The following LDLRAD3 variants were observed in gnomAD, a reference collection of about 807,000 sequenced individuals.
LDLRAD3 encodes low-density lipoprotein receptor class A domain-containing protein 3.
LDLRAD3 carries 20 observed loss-of-function variants against 29.4 expected under a neutral mutation model. That is an observed-to-expected ratio of 0.68 (90% CI 0.48 to 0.99). The LOEUF is 0.99. Ranked by LOEUF, LDLRAD3 falls within the 50% of genes least tolerant of loss-of-function variation. The pLI is 0.00. For synonymous variants in LDLRAD3, 157 were observed against 192.7 expected (o/e 0.81, Z 1.53); for missense variants, 420 against 454.3 (o/e 0.92, Z 0.69).
chr11:36,015,256 A>G (rs1852006201), intron 1 of LDLRAD3, among the ~76,000 whole-genome samples: 1 of 152,096 alleles, frequency 6.6e-6, no homozygotes, highest in Non-Finnish European at 1.5e-5. Context: ...TGTTTTGAGT[A>G]TTCAGAGAAA....
At position 36,105,205 on chromosome 11, in the gene LDLRAD3, T is replaced by TTGTGTGTGTG. The variant is rs10565208; in HGVS notation, c.454+6769_454+6778dup. Among the ~76,000 whole-genome samples, 246 of 138,540 alleles carry TTGTGTGTGTG rather than the reference T, an allele frequency of 1.8e-3. 1 individual carries two copies. The highest frequency in any genetic ancestry group is 6.9e-3 in the African/African-American group (240 of 34,792). 90.9% of individuals were successfully genotyped at this position (138,540 alleles called of 152,430 possible). The stretch of plus-strand genomic sequence containing the variant: ...CTTTGTCCTGTTCCTTCTGCAGAAT[T>TTGTGTGTGTG]TGTGTGTGTGTGTGTGTGTGTGTGT... On this transcript the variant is annotated intron_variant, in intron 4 of 5. Transcript: ENST00000315571.
intron 4 of LDLRAD3, among the ~76,000 whole-genome samples, chr11:36,191,599 T>C (rs12786447): frequency 0.14 from 12,824 of 92,720 alleles, 1,073 homozygotes; most frequent in Admixed American, 0.24. Flanking sequence ...TATATATATA[T>C]ACACACACAC....
intron 3 of LDLRAD3, among the ~76,000 whole-genome samples, chr11:36,086,828 T>C (rs1301984520): frequency 1.3e-5 from 2 of 152,220 alleles, no homozygotes; most frequent in Non-Finnish European, 2.9e-5. Flanking sequence ...TTTTAAGTGA[T>C]ATTCAGTGGG....
At chr11:36,192,881 G>A (rs1385239950) in intron 4 of LDLRAD3, among the ~76,000 whole-genome samples, 1 of 152,152 alleles carries the variant, frequency 6.6e-6, no homozygotes. Flanking sequence ...TCAGAGCATG[G>A]ACTTTGGAGC....
chr11:36,020,671 A>T (rs1161293378), intron 1 of LDLRAD3, among the ~76,000 whole-genome samples: 1 of 152,110 alleles, frequency 6.6e-6, no homozygotes, highest in Non-Finnish European at 1.5e-5. Context: ...GGTTTGCATA[A>T]GTTATGTTGA....
intron 1 of LDLRAD3, 83 bp from the exon 2 acceptor site, chr11:36,036,020 A>G (rs1415890756): frequency 5.9e-5 from 84 of 1,434,574 alleles, no homozygotes; most frequent in Non-Finnish European, 7.7e-5. Context: ...TCTCACCTAT[A>G]CCAAACCACA....
intron 2 of LDLRAD3, among the ~76,000 whole-genome samples, chr11:36,038,599 G>T (rs1440231230): frequency 6.6e-6 from 1 of 152,160 alleles, no homozygotes; most frequent in Non-Finnish European, 1.5e-5. Flanking sequence ...CATGATTTTA[G>T]AATTCATGCT....
intron 2 of LDLRAD3, among the ~76,000 whole-genome samples, chr11:36,068,755 A>G (rs1324406248): frequency 6.6e-6 from 1 of 152,090 alleles, no homozygotes; most frequent in Non-Finnish European, 1.5e-5. Flanking sequence ...TGATCTCGTG[A>G]TCCACCCACC....
chr11:36,095,153 T>C (rs1013597061), intron 3 of LDLRAD3, among the ~76,000 whole-genome samples: 1 of 152,244 alleles, frequency 6.6e-6, no homozygotes, highest in Non-Finnish European at 1.5e-5. Flanking sequence ...ACCACTGCAC[T>C]GCAGTCGGTG....
chr11:36,146,002 T>TAAAAAAA (rs367591997), intron 4 of LDLRAD3, among the ~76,000 whole-genome samples: 10 of 138,582 alleles, frequency 7.2e-5, no homozygotes, highest in Non-Finnish European at 6.2e-5. Context: ...GAATGATCAA[T>TAAAAAAA]AAAAAAAAGA....
intron 4 of LDLRAD3, among the ~76,000 whole-genome samples, chr11:36,206,347 G>T (rs906170456): frequency 3.3e-5 from 5 of 152,118 alleles, no homozygotes; most frequent in Admixed American, 2.6e-4. Context: ...GAGAGGGATG[G>T]GTTATAAACA....
chr11:36,077,812 CCTCTT>C (rs1382995654), intron 2 of LDLRAD3, among the ~76,000 whole-genome samples: 9 of 152,340 alleles, frequency 5.9e-5, no homozygotes, highest in African/African-American at 2.2e-4. Flanking sequence ...CTTCTTCTCT[CCTCTT>C]GTCTGCTGCG....
intron 2 of LDLRAD3, among the ~76,000 whole-genome samples, chr11:36,062,140 G>A (rs555261031): frequency 7.2e-5 from 11 of 152,246 alleles, no homozygotes; most frequent in African/African-American, 2.4e-4. Context: ...CCAAGGTCAC[G>A]GTTCTGGTAA....
chr11:36,118,664 G>T (rs1224766755), intron 4 of LDLRAD3, among the ~76,000 whole-genome samples: 1 of 151,916 alleles, frequency 6.6e-6, no homozygotes, highest in Non-Finnish European at 1.5e-5. Flanking sequence ...TTGTTTTAGG[G>T]TTTTTTTAAC....
chr11:36,003,444 A>T (rs1851848658), intron 1 of LDLRAD3, among the ~76,000 whole-genome samples: 1 of 152,140 alleles, frequency 6.6e-6, no homozygotes, highest in Admixed American at 6.6e-5. Flanking sequence ...AGCTGAGTGG[A>T]CTTGGAGGGA....
In LDLRAD3 at chr11:35,955,303, T is replaced by C. The variant is rs530482229; in HGVS notation, c.46+11159T>C. On this transcript the variant is annotated intron_variant, in intron 1 of 5. Transcript: ENST00000315571. ...ACATGAAATAGTAAGGAACAATTGG[T>C]TATCTTCTGGTCTAGTTTAAAAGGA... Among the ~76,000 whole-genome samples the C allele has an allele frequency of 5.3e-5, 8 of 152,276 alleles. No individual in the cohort carries two copies. The East Asian group carries it at 1.5e-3, about 29-fold the overall frequency.
intron 4 of LDLRAD3, among the ~76,000 whole-genome samples, chr11:36,156,687 C>T (rs1854356739): frequency 6.6e-6 from 1 of 152,210 alleles, no homozygotes; most frequent in Non-Finnish European, 1.5e-5. Flanking sequence ...TCATCATCCC[C>T]TCCCCTCCTC....
intron 1 of LDLRAD3, among the ~76,000 whole-genome samples, chr11:36,024,728 G>A (rs1235209135): frequency 6.6e-6 from 1 of 152,182 alleles, no homozygotes; most frequent in East Asian, 1.9e-4. Flanking sequence ...CAAAAGCCAG[G>A]GGGCCCTACC....
Position 36,101,433 on chromosome 11 carries a change from A to C in LDLRAD3, c.454+2972A>C, listed in dbSNP as rs377094761. Among the ~76,000 whole-genome samples the C allele has an allele frequency of 2.6e-4, 40 of 152,320 alleles. No homozygotes were observed. In the East Asian group the frequency reaches 6.6e-3, roughly 25 times the overall value. ...TGTTTTAATTTGCACCCTGTGTGATATTGCACCGTATAGGTTTTTAAGTTA... is the reference window on the plus strand; with the variant it reads ...TGTTTTAATTTGCACCCTGTGTGATCTTGCACCGTATAGGTTTTTAAGTTA... On this transcript the variant is annotated intron_variant, in intron 4 of 5. Coordinates refer to ENST00000315571, the MANE Select transcript of LDLRAD3 (RefSeq NM_174902.4).
Sources: allele counts gnomAD v4.1 joint callset (sites outside exome capture counted in the v4.1 genomes callset), GRCh38; gene constraint gnomAD v4.1.1; transcripts MANE v1.5; gene names NCBI Gene and HGNC (gene_info 2026-07-23, HGNC 2026-07-21).